The following GALNTL6 variants were observed in gnomAD, a reference collection of about 807,000 sequenced individuals.
GALNTL6 encodes the protein polypeptide N-acetylgalactosaminyltransferase like 6.
A neutral mutation model predicts 73.7 loss-of-function variants in GALNTL6; 46 were observed. That is an observed-to-expected ratio of 0.62 (90% CI 0.49 to 0.80). The LOEUF is 0.80. Ranked by LOEUF, GALNTL6 falls within the 30% of genes least tolerant of loss-of-function variation. GALNTL6 has a pLI of 0.00. For missense variants in GALNTL6, 604 were observed against 755.0 expected, an observed-to-expected ratio of 0.80 and a Z score of 2.34; for synonymous variants, 259 against 263.7, an observed-to-expected ratio of 0.98 and a Z score of 0.17.
intron 4 of GALNTL6, among the ~76,000 whole-genome samples, chr4:172,335,792 T>G (rs1263903958): frequency 6.6e-6 from 1 of 152,160 alleles, no homozygotes; most frequent in East Asian, 1.9e-4. Context: ...AGTTGTAGGG[T>G]CATCTTTGTT....
chr4:172,567,062 C>A (rs920688496), intron 5 of GALNTL6, among the ~76,000 whole-genome samples: 2 of 151,442 alleles, frequency 1.3e-5, no homozygotes, highest in Non-Finnish European at 2.9e-5. Flanking sequence ...TAATACAGAA[C>A]TTTTTCATAC....
At chr4:171,890,646 G>A (rs1026014113) in intron 2 of GALNTL6, among the ~76,000 whole-genome samples, 2 of 151,862 alleles carry the variant, frequency 1.3e-5, no homozygotes, top group Admixed American at 6.6e-5. Context: ...AATTTTCTTT[G>A]GCAATAAGCA....
intron 2 of GALNTL6, among the ~76,000 whole-genome samples, chr4:172,162,554 A>T (rs777604115): frequency 7.9e-5 from 12 of 152,046 alleles, no homozygotes; most frequent in Middle Eastern, 3.2e-3. Flanking sequence ...AAACCTCCAA[A>T]CATGGTCATT....
intron 5 of GALNTL6, among the ~76,000 whole-genome samples, chr4:172,794,822 C>A (rs2110940940): frequency 6.6e-6 from 1 of 152,268 alleles, no homozygotes; most frequent in African/African-American, 2.4e-5. Context: ...TTTGTCCTTC[C>A]CTACTCTACC....
intron 5 of GALNTL6, among the ~76,000 whole-genome samples, chr4:172,540,490 G>T (rs1024163828): frequency 1.3e-5 from 2 of 152,036 alleles, no homozygotes; most frequent in Non-Finnish European, 2.9e-5. Flanking sequence ...TTGTAAAGAG[G>T]TTTATTCTGA....
At chr4:172,726,320 A>T (rs948678418) in intron 5 of GALNTL6, among the ~76,000 whole-genome samples, 2 of 152,140 alleles carry the variant, frequency 1.3e-5, no homozygotes, top group Admixed American at 6.6e-5. Flanking sequence ...ACTTCTGCCG[A>T]CCCCCGAGTA....
intron 11 of GALNTL6, among the ~76,000 whole-genome samples, chr4:173,018,646 C>T (rs971653561): frequency 3.3e-5 from 5 of 152,212 alleles, no homozygotes; most frequent in African/African-American, 1.2e-4. Context: ...TCTTACATGA[C>T]AGATGAGCAT....
At chr4:172,923,945 C>T (rs1171802127) in intron 8 of GALNTL6, among the ~76,000 whole-genome samples, 1 of 152,028 alleles carries the variant, frequency 6.6e-6, no homozygotes, top group African/African-American at 2.4e-5. Flanking sequence ...TCACACAACA[C>T]GTGGGAATTC....
intron 5 of GALNTL6, among the ~76,000 whole-genome samples, chr4:172,681,356 T>C (rs1732624988): frequency 6.6e-6 from 1 of 152,120 alleles, no homozygotes; most frequent in African/African-American, 2.4e-5. Flanking sequence ...TTCATATCAC[T>C]TTATACAAGA....
chr4:172,849,012 G>T (rs1743664959), intron 7 of GALNTL6, among the ~76,000 whole-genome samples: 1 of 152,052 alleles, frequency 6.6e-6, no homozygotes, highest in Non-Finnish European at 1.5e-5. Context: ...GCTGAGGGAA[G>T]CCACCACCAA....
intron 10 of GALNTL6, among the ~76,000 whole-genome samples, chr4:172,991,790 C>T (rs140758786): frequency 3.3e-5 from 5 of 152,254 alleles, no homozygotes; most frequent in Non-Finnish European, 5.9e-5. Flanking sequence ...GTTTTGACAA[C>T]TCCATTATTA....
intron 8 of GALNTL6, among the ~76,000 whole-genome samples, chr4:172,907,013 G>A (rs1746933545): frequency 1.3e-5 from 2 of 152,082 alleles, no homozygotes; most frequent in South Asian, 4.1e-4. Flanking sequence ...ATACTCAAAG[G>A]AAGGAGATGA....
intron 7 of GALNTL6, among the ~76,000 whole-genome samples, chr4:172,872,841 A>G (rs573715804): frequency 1.3e-5 from 2 of 152,304 alleles, no homozygotes; most frequent in South Asian, 4.2e-4. Flanking sequence ...TCTCCCGTCA[A>G]TCACTACCTC....
intron 2 of GALNTL6, among the ~76,000 whole-genome samples, chr4:172,159,004 G>A (rs1389132824): frequency 6.6e-6 from 1 of 152,128 alleles, no homozygotes; most frequent in Admixed American, 6.6e-5. Flanking sequence ...CCCAATTTAG[G>A]TTAGAAAGCA....
intron 2 of GALNTL6, among the ~76,000 whole-genome samples, chr4:171,920,174 CA>C (rs1737743959): frequency 6.6e-6 from 1 of 150,872 alleles, no homozygotes; most frequent in Non-Finnish European, 1.5e-5. Context: ...GTGGGAATTG[CA>C]AAATGAGAAC....
chr4:172,380,143 T>C (rs2111280229), intron 5 of GALNTL6: 1 of 1,045,668 alleles, frequency 9.6e-7, no homozygotes, highest in Non-Finnish European at 1.5e-6. Flanking sequence ...CATCTGGATT[T>C]GGAGCACTTA....
chr4:172,851,642 G>A (rs898197), intron 7 of GALNTL6, among the ~76,000 whole-genome samples: 89,806 of 151,916 alleles, frequency 0.59, 30,268 homozygotes, highest in East Asian at 0.91. Context: ...CAATGGGATC[G>A]TTGAGAATGC....
At chr4:171,970,772 A>G (rs1378722081) in intron 2 of GALNTL6, among the ~76,000 whole-genome samples, 1 of 152,254 alleles carries the variant, frequency 6.6e-6, no homozygotes, top group African/African-American at 2.4e-5. Flanking sequence ...TTGCAAAAAT[A>G]TAACCATTGG....
At position 172,905,851 on chromosome 4, in the gene GALNTL6, G is replaced by A. The variant is rs1291788607; in HGVS notation, c.1041+22944G>A. Among the ~76,000 whole-genome samples the A allele has an allele frequency of 8.4e-5, 11 of 130,216 alleles. No individual in the cohort carries two copies. In the East Asian group the frequency reaches 1.4e-3, roughly 17 times the overall value. The allele number at this position is 130,216 out of a possible 152,430, so 85.4% of individuals were successfully genotyped here. The stretch of plus-strand genomic sequence containing the variant: ...AAAAAAAAAAAGGAGAACAAGAAAC[G>A]GGAACAAAAAACCTAAATTTATCCT... On this transcript the variant is annotated intron_variant, in intron 8 of 12. Transcript: ENST00000506823.
Sources: gnomAD v4.1 joint callset for allele counts (sites outside exome capture counted in the v4.1 genomes callset) on GRCh38, gnomAD v4.1.1 for gene constraint, MANE v1.5 for transcripts, NCBI Gene and HGNC (gene_info 2026-07-23, HGNC 2026-07-21) for gene names.